Variants in CDH13 observed in about 807,000 individuals in gnomAD.
CDH13 encodes cadherin-13.
Under a neutral mutation model 63.8 loss-of-function variants are expected in CDH13, and 24 were observed. The observed-to-expected ratio is 0.38, with a 90% CI of 0.27 to 0.53. CDH13 has a LOEUF of 0.53. Ranked by LOEUF, CDH13 falls within the 20% of genes least tolerant of loss-of-function variation. The pLI, the probability that CDH13 is intolerant of heterozygous loss-of-function variation, is 0.85. For missense variants in CDH13, 1,049 were observed against 903.1 expected, an observed-to-expected ratio of 1.16 and a Z score of -2.07; for synonymous variants, 503 against 355.3, an observed-to-expected ratio of 1.42 and a Z score of -4.67.
intron 8 of CDH13, among the ~76,000 whole-genome samples, chr16:83,652,387 A>T (rs1485436978): frequency 2.0e-5 from 3 of 152,196 alleles, no homozygotes; most frequent in East Asian, 3.9e-4. Context: ...AGCTCTGGAG[A>T]TTAGACATGT....
intron 6 of CDH13, among the ~76,000 whole-genome samples, chr16:83,431,745 C>A (rs1249832412): frequency 3.3e-5 from 5 of 152,144 alleles, no homozygotes; most frequent in Admixed American, 3.3e-4. Context: ...AACTCACTCT[C>A]ATGAGGATAG....
intron 6 of CDH13, among the ~76,000 whole-genome samples, chr16:83,438,875 GAA>G (rs1209296439): frequency 6.6e-6 from 1 of 152,190 alleles, no homozygotes; most frequent in Non-Finnish European, 1.5e-5. Context: ...ACAGAGGGCT[GAA>G]AACCTACAAT....
chr16:82,652,809 G>A (rs1351115925), intron 1 of CDH13, among the ~76,000 whole-genome samples: 1 of 150,046 alleles, frequency 6.7e-6, no homozygotes, highest in African/African-American at 2.5e-5. Flanking sequence ...GAGTTCTGAT[G>A]GGAATCCCAG....
At chr16:83,732,298 A>T (rs923894896) in intron 10 of CDH13, among the ~76,000 whole-genome samples, 7 of 152,150 alleles carry the variant, frequency 4.6e-5, no homozygotes, top group Admixed American at 4.6e-4. Context: ...ATGATGTGTG[A>T]TCTGAAGAGT....
intron 3 of CDH13, among the ~76,000 whole-genome samples, chr16:83,055,046 C>A (rs970592882): frequency 8.6e-5 from 13 of 151,878 alleles, no homozygotes; most frequent in Admixed American, 5.2e-4. Flanking sequence ...ACTAAAGGAT[C>A]CCCACATATT....
intron 3 of CDH13, among the ~76,000 whole-genome samples, chr16:83,050,424 C>T (rs1001274427): frequency 1.3e-5 from 2 of 152,122 alleles, no homozygotes; most frequent in African/African-American, 4.8e-5. Flanking sequence ...ATTGGCAGTC[C>T]TTGAAATGCT....
intron 2 of CDH13, among the ~76,000 whole-genome samples, chr16:82,926,689 C>G (rs756944898): frequency 2.0e-5 from 3 of 152,200 alleles, no homozygotes; most frequent in Non-Finnish European, 2.9e-5. Context: ...GATTCTAGCT[C>G]TGCTGTATAT....
chr16:83,119,579 T>C (rs2035470919), intron 3 of CDH13, among the ~76,000 whole-genome samples: 1 of 152,258 alleles, frequency 6.6e-6, no homozygotes, highest in African/African-American at 2.4e-5. Context: ...CTTTTGTAAC[T>C]GTCTCTTGAA....
chr16:83,281,240 G>A (rs2089163824), intron 5 of CDH13, among the ~76,000 whole-genome samples: 1 of 152,248 alleles, frequency 6.6e-6, no homozygotes, highest in Non-Finnish European at 1.5e-5. Context: ...AGCACTCGCT[G>A]CTTCGCCTAG....
intron 7 of CDH13, among the ~76,000 whole-genome samples, chr16:83,579,720 A>C (rs539453920): frequency 2.0e-4 from 30 of 152,160 alleles, no homozygotes; most frequent in Non-Finnish European, 3.8e-4. Flanking sequence ...AGCTGTACTG[A>C]TGTGAATGGA....
chr16:82,640,623 C>T (rs539424735), intron 1 of CDH13, among the ~76,000 whole-genome samples: 2 of 152,130 alleles, frequency 1.3e-5, no homozygotes, highest in Non-Finnish European at 2.9e-5. Flanking sequence ...TAATCTAAAC[C>T]AGTAGCTGCC....
At chr16:82,632,533 C>T (rs989841712) in intron 1 of CDH13, among the ~76,000 whole-genome samples, 2 of 152,078 alleles carry the variant, frequency 1.3e-5, no homozygotes, top group Non-Finnish European at 2.9e-5. Context: ...TGAGTCAGTA[C>T]GAGCCCTGGC....
chr16:83,437,696 A>C (rs2072350877), intron 6 of CDH13, among the ~76,000 whole-genome samples: 1 of 152,168 alleles, frequency 6.6e-6, no homozygotes, highest in South Asian at 2.1e-4. Flanking sequence ...AAATTAAAAA[A>C]AATAAAGGCT....
chr16:83,453,746 TCCACCATGTATC>T (rs1292886987), intron 6 of CDH13, among the ~76,000 whole-genome samples: 93 of 424 alleles, frequency 0.22, no homozygotes, highest in South Asian at 0.5. Flanking sequence ...AAACTCTTTA[TCCACCATGTATC>T]TCCACCATGT....
intron 5 of CDH13, among the ~76,000 whole-genome samples, chr16:83,231,812 G>A (rs932570758): frequency 3.9e-5 from 6 of 152,100 alleles, no homozygotes; most frequent in African/African-American, 1.4e-4. Context: ...ATTGAAATGC[G>A]ACCCCCAGCA....
rs562099826 is a variant in CDH13, at chr16:83,682,641, C to T, written c.1538+4180C>T. ...ACGGTCACTTCCTTAACTACCTATC[C>T]GGCCTCACTCCTCCTCCTTCCTCTG... On this transcript the variant is annotated intron_variant, in intron 10 of 13. Transcript: ENST00000567109. Among the ~76,000 whole-genome samples, 13 of 152,082 alleles carry T rather than the reference C, an allele frequency of 8.5e-5. No individual in the cohort carries two copies. In the South Asian group the frequency reaches 1.9e-3, roughly 22 times the overall value.
intron 1 of CDH13, among the ~76,000 whole-genome samples, chr16:82,847,033 T>C (rs1406231690): frequency 6.6e-6 from 1 of 152,180 alleles, no homozygotes; most frequent in Non-Finnish European, 1.5e-5. Context: ...CCTTCCCTTA[T>C]TCTCCCTTCC....
intron 3 of CDH13, among the ~76,000 whole-genome samples, chr16:83,075,043 G>A (rs985734106): frequency 2.0e-5 from 3 of 152,166 alleles, no homozygotes; most frequent in African/African-American, 2.4e-5. Flanking sequence ...GGTAAGATCT[G>A]TAGATAAACA....
At chr16:82,946,644 C>A (rs577794354) in intron 2 of CDH13, among the ~76,000 whole-genome samples, 1 of 151,680 alleles carries the variant, frequency 6.6e-6, no homozygotes. Flanking sequence ...TTGCTTGAAA[C>A]CAGGAGGTGG....
Sources: gnomAD v4.1 joint callset for allele counts (sites outside exome capture counted in the v4.1 genomes callset) on GRCh38, gnomAD v4.1.1 for gene constraint, MANE v1.5 for transcripts, NCBI Gene and HGNC (gene_info 2026-07-23, HGNC 2026-07-21) for gene names.